CLEC2A: variants seen among roughly 807,000 people sequenced by gnomAD.
CLEC2A encodes keratinocyte-associated C-type lectin.
Under a neutral mutation model 18.6 loss-of-function variants are expected in CLEC2A, and 19 were observed. The ratio of observed to expected loss-of-function variants is 1.02; its 90% CI spans 0.71 to 1.50. The LOEUF is 1.50. CLEC2A is among the 40% of genes most tolerant of loss of function. The pLI, the probability that CLEC2A is intolerant of heterozygous loss-of-function variation, is 0.00. For synonymous variants in CLEC2A, 74 were observed against 64.0 expected (o/e 1.16, Z -0.75); for missense variants, 190 against 207.9 (o/e 0.91, Z 0.53).
At chr12:9,879,366 G>C in the CLEC2A span, among the ~76,000 whole-genome samples, 1 of 152,162 alleles carries the variant, frequency 6.6e-6, no homozygotes, top group Admixed American at 6.5e-5. Flanking sequence ...GAGGAGGTAG[G>C]TTTGGTCTCT....
chr12:9,898,979 G>A, intron 4 of CLEC2A: 1 of 713,826 alleles, frequency 1.4e-6, no homozygotes, highest in Non-Finnish European at 2.6e-6. Context: ...TTGATGGCCT[G>A]AAAGCAAGAA....
intron 3 of CLEC2A, among the ~76,000 whole-genome samples, chr12:9,920,295 T>G (rs1863147271): frequency 1.3e-5 from 2 of 152,192 alleles, no homozygotes. Flanking sequence ...AGCCTGGAAC[T>G]CCTGGCTATC....
At chr12:9,909,805 G>T (rs562780228), downstream of CLEC2A, among the ~76,000 whole-genome samples, 1 of 152,244 alleles carries the variant, frequency 6.6e-6, no homozygotes, top group South Asian at 2.1e-4. Flanking sequence ...GTAAGGGGTG[G>T]GGAACAATGT....
the CLEC2A span, among the ~76,000 whole-genome samples, chr12:9,887,195 C>G: frequency 6.6e-6 from 1 of 151,408 alleles, no homozygotes; most frequent in Non-Finnish European, 1.5e-5. Context: ...AAAGCAAAAC[C>G]AAAAAACATG....
the CLEC2A span, among the ~76,000 whole-genome samples, chr12:9,878,110 C>A: frequency 8.3e-6 from 1 of 120,140 alleles, no homozygotes; most frequent in Non-Finnish European, 2.0e-5. Flanking sequence ...CAGAACAAGA[C>A]CCTGTCTGAA....
rs1863387473 is a variant in CLEC2A at position 9,932,256 on chromosome 12, T to C, written c.55+19A>G. On this transcript the variant is annotated intron_variant, in intron 1 of 4. Coordinates refer to ENST00000455827, the MANE Select transcript of CLEC2A (RefSeq NM_001130711.2). ...TTATCTTTCCTTTACTTCCTTCTCATTCACTCTATAAAACTTACCTATCCG... is the reference window on the plus strand; with the variant it reads ...TTATCTTTCCTTTACTTCCTTCTCACTCACTCTATAAAACTTACCTATCCG... The C allele has an allele frequency of 3.3e-6, 5 of 1,510,582 alleles. No individual in the cohort carries two copies. The highest frequency in any genetic ancestry group is 4.5e-6 in the Non-Finnish European group (5 of 1,109,266). The allele number at this position is 1,510,582 out of a possible 1,614,324, so 93.6% of individuals were successfully genotyped here.
chr12:9,932,344 C>A lies in CLEC2A; in HGVS notation c.-15G>T. On this transcript the variant is annotated 5_prime_UTR_variant, in exon 1 of 5. Coordinates refer to ENST00000455827, the MANE Select transcript of CLEC2A (RefSeq NM_001130711.2). Reference sequence around the variant, plus strand: ...GGATTAATCATGGCAAGGCGCTAACCGATGGAGATCAGTAGGAGAGGACTA... The same window carrying A: ...GGATTAATCATGGCAAGGCGCTAACAGATGGAGATCAGTAGGAGAGGACTA... 1 of 1,551,700 alleles carries A rather than the reference C, an allele frequency of 6.4e-7. No individual in the cohort carries two copies. Among genetic ancestry groups the A allele is most frequent in the Non-Finnish European group, 8.7e-7 (1 of 1,146,858 alleles).
At chr12:9,920,250 C>T (rs1863146029) in intron 3 of CLEC2A, among the ~76,000 whole-genome samples, 1 of 152,170 alleles carries the variant, frequency 6.6e-6, no homozygotes, top group Non-Finnish European at 1.5e-5. Context: ...GTCTAACCTC[C>T]CTCTTCGCTG....
the CLEC2A span, among the ~76,000 whole-genome samples, chr12:9,883,006 T>C: frequency 6.6e-6 from 1 of 152,182 alleles, no homozygotes. Flanking sequence ...TGAGTATTGA[T>C]ACATAAAATA....
chr12:9,900,658 T>A (rs758140835), intron 4 of CLEC2A, among the ~76,000 whole-genome samples: 16 of 152,122 alleles, frequency 1.1e-4, no homozygotes, highest in Non-Finnish European at 1.8e-4. Context: ...CTTCTTAAGG[T>A]CCCAGGATAA....
chr12:9,899,344 C>T (rs776522119), intron 4 of CLEC2A, among the ~76,000 whole-genome samples: 4 of 151,906 alleles, frequency 2.6e-5, no homozygotes, highest in South Asian at 2.1e-4. Flanking sequence ...AGGAGTATCC[C>T]GTAGTATGGA....
chr12:9,929,268 T>C (rs1863331461), intron 1 of CLEC2A, among the ~76,000 whole-genome samples: 1 of 152,198 alleles, frequency 6.6e-6, no homozygotes, highest in African/African-American at 2.4e-5. Flanking sequence ...TGTTTTCTTA[T>C]ATCACTGGTT....
At chr12:9,926,225 A>G (rs1257069754) in intron 2 of CLEC2A, 35 bp downstream of exon 2, 1 of 1,255,398 alleles carries the variant, frequency 8.0e-7, no homozygotes, top group East Asian at 2.5e-5. Flanking sequence ...TCAGGAGTGA[A>G]GAACCATAGA....
At chr12:9,911,653 C>A (rs190401788), downstream of CLEC2A, among the ~76,000 whole-genome samples, 407 of 152,348 alleles carry the variant, frequency 2.7e-3, 3 homozygotes, top group African/African-American at 9.3e-3. Flanking sequence ...GAAAGTACCA[C>A]AGCTTTTATC....
chr12:9,926,265 A>G lies in CLEC2A; in HGVS notation c.134T>C (p.Met45Thr), dbSNP rs1003759560. The G allele has an allele frequency of 1.7e-5, 26 of 1,533,600 alleles. No individual in the cohort carries two copies. In the African/African-American group the frequency reaches 2.6e-4, roughly 15 times the overall value. The allele number at this position is 1,533,600 out of a possible 1,614,324, so 95.0% of individuals were successfully genotyped here. The change falls in exon 2 of 5, where the codon ATG (methionine) becomes ACG (threonine). Residue 45 changes from methionine to threonine, a missense_variant. Physicochemically the swap from Met to Thr is moderately conservative, Grantham distance 81. Transcript: ENST00000455827. ...SIIITTVCII[M>T]IATWSKHAKP... is the part of the protein sequence containing the mutation. Reference sequence around the variant, plus strand: ...GTATGAATTAAACCACTCACCTATCATAATAATGCAAACTGTAGTAATAAT... The same window carrying G: ...GTATGAATTAAACCACTCACCTATCGTAATAATGCAAACTGTAGTAATAAT...
At chr12:9,923,219 C>G (rs1038551609) in intron 2 of CLEC2A, among the ~76,000 whole-genome samples, 3 of 152,072 alleles carry the variant, frequency 2.0e-5, no homozygotes, top group Non-Finnish European at 4.4e-5. Context: ...CTACAAAGAA[C>G]TTAAACAAAT....
intron 4 of CLEC2A, among the ~76,000 whole-genome samples, chr12:9,915,329 T>C (rs1863054174): frequency 6.6e-6 from 1 of 151,992 alleles, no homozygotes; most frequent in South Asian, 2.1e-4. Flanking sequence ...AAATACCATT[T>C]AACCCAGCAA....
chr12:9,891,131 A>T, the CLEC2A span, among the ~76,000 whole-genome samples: 102 of 150,600 alleles, frequency 6.8e-4, 1 homozygote, highest in African/African-American at 2.3e-3. Flanking sequence ...TCCTTTTCAT[A>T]TCTTCCTGGT....
At chr12:9,925,545 G>A (rs1863254818) in intron 2 of CLEC2A, among the ~76,000 whole-genome samples, 1 of 151,930 alleles carries the variant, frequency 6.6e-6, no homozygotes, top group Non-Finnish European at 1.5e-5. Flanking sequence ...AGTCTAATGA[G>A]GATTAAATAC....
Sources: gnomAD v4.1 joint callset for allele counts (sites outside exome capture counted in the v4.1 genomes callset) on GRCh38, gnomAD v4.1.1 for gene constraint, MANE v1.5 for transcripts, NCBI Gene and HGNC (gene_info 2026-07-23, HGNC 2026-07-21) for gene names.